CASQ1: variants seen among roughly 807,000 people sequenced by gnomAD.
CASQ1 encodes calsequestrin 1, also known as calsequestrin-1.
In CASQ1, 40 loss-of-function variants were observed where a neutral mutation model predicts 49.5. The observed-to-expected ratio is 0.81, with a 90% CI of 0.63 to 1.05. The LOEUF is 1.05. Ranked by LOEUF, CASQ1 falls within the 50% of genes least tolerant of loss-of-function variation. The pLI is 0.00. For missense variants in CASQ1, 469 were observed against 486.9 expected (o/e 0.96, Z 0.35); for synonymous variants, 174 against 187.2 (o/e 0.93, Z 0.58).
At chr1:160,192,488 A>G in intron 1 of CASQ1, 1 of 234,406 alleles carries the variant, frequency 4.3e-6, no homozygotes, top group Non-Finnish European at 8.5e-6. Flanking sequence ...GAAGGAGGGA[A>G]GGGGCCCTCA....
chr1:160,192,596 C>T, intron 1 of CASQ1: 2 of 572,064 alleles, frequency 3.5e-6, no homozygotes, highest in East Asian at 5.9e-5. Flanking sequence ...TGCAAATGAG[C>T]AATCAATATT....
Position 160,193,732 on chromosome 1 carries a change from C to T in CASQ1, c.365-15C>T, listed in dbSNP as rs771465432. 3.4e-6 allele frequency: 5 copies of T among 1,487,036 alleles called. No homozygotes were observed. Among genetic ancestry groups the T allele is most frequent in the Non-Finnish European group, 4.7e-6 (5 of 1,073,152 alleles). 92.1% of individuals were successfully genotyped at this position (1,487,036 alleles called of 1,614,324 possible). A position where few individuals can be genotyped will look rare whatever the true frequency, so the allele number is the denominator to read the frequency against. ...TGGCTCACTACCCCACCCCTGCGCC[C>T]GGCTCACTCCCTAGGCCTAACTGAA... On this transcript the variant is annotated splice_polypyrimidine_tract_variant and intron_variant, in intron 2 of 10. Coordinates refer to ENST00000368078, the MANE Select transcript of CASQ1 (RefSeq NM_001231.5).
At chr1:160,195,589 A>C in intron 5 of CASQ1, 55 bp downstream of exon 5, 1 of 1,532,880 alleles carries the variant, frequency 6.5e-7, no homozygotes, top group Non-Finnish European at 9.0e-7. Flanking sequence ...GCTGTCCTCC[A>C]GTTTCCTCTC....
chr1:160,195,084 A>G lies in CASQ1; in HGVS notation c.538A>G (p.Ile180Val). 6.2e-7 allele frequency: 1 copy of G among 1,612,946 alleles called. No homozygotes were observed. The highest frequency in any genetic ancestry group is 8.5e-7 in the Non-Finnish European group (1 of 1,179,290). ...GGCGTTTGAGAATATTGAGGATGAGATCAAACTCATTGGCTACTTCAAGAG... is the reference window on the plus strand; with the variant it reads ...GGCGTTTGAGAATATTGAGGATGAGGTCAAACTCATTGGCTACTTCAAGAG... Reference protein sequence around the residue: ...LQAFENIEDEIKLIGYFKSKD... With the variant: ...LQAFENIEDEVKLIGYFKSKD... The change falls in exon 4 of 11, where the codon ATC (isoleucine) becomes GTC (valine). Residue 180 changes from isoleucine to valine, a missense_variant. Transcript: ENST00000368078.
rs533196182 is a variant in CASQ1 at position 160,197,628 on chromosome 1, G to A, written c.828+14G>A. On this transcript the variant is annotated intron_variant, in intron 7 of 10. Coordinates refer to ENST00000368078, the MANE Select transcript of CASQ1 (RefSeq NM_001231.5). Reference sequence around the variant, plus strand: ...TATGAGACCTGGGTGAGTGCCCCTGGCCAGGGTCAAGCCCTCAGGGAAGCA... The same window carrying A: ...TATGAGACCTGGGTGAGTGCCCCTGACCAGGGTCAAGCCCTCAGGGAAGCA... The A allele has an allele frequency of 2.5e-6, 4 of 1,594,102 alleles. No individual in the cohort carries two copies. Among genetic ancestry groups the A allele is most frequent in the African/African-American group, 2.7e-5 (2 of 74,604 alleles).
Position 160,195,104 on chromosome 1 carries a change from C to A in CASQ1, c.558C>A (p.Phe186Leu). 1 of 1,610,212 alleles carries A rather than the reference C, an allele frequency of 6.2e-7. No individual in the cohort carries two copies. Among genetic ancestry groups the A allele is most frequent in the Non-Finnish European group, 8.5e-7 (1 of 1,177,420 alleles). The change falls in exon 4 of 11, where the codon TTC becomes TTA. Residue 186 changes from phenylalanine (F) to leucine (L), a missense_variant. Physicochemically the swap from Phe to Leu is conservative, Grantham distance 22. Coordinates refer to ENST00000368078, the MANE Select transcript of CASQ1 (RefSeq NM_001231.5). ...IEDEIKLIGY[F>L]KSKDSEHYKA... The stretch of plus-strand genomic sequence containing the variant: ...ATGAGATCAAACTCATTGGCTACTT[C>A]AAGAGCAAAGACTCAGAGCGTGGGT...
chr1:160,193,632 T>G, intron 2 of CASQ1, 115 bp from the exon 3 acceptor site: 3 of 631,932 alleles, frequency 4.7e-6, no homozygotes, highest in Non-Finnish European at 5.5e-6. Context: ...AGGTGGAGCA[T>G]GTGGGGCCCC....
rs1413265666 is a variant in CASQ1, at chr1:160,198,747, C to G, written c.883+16C>G. The G allele has an allele frequency of 1.1e-5, 17 of 1,609,842 alleles. No individual in the cohort carries two copies. Among genetic ancestry groups the G allele is most frequent in the African/African-American group, 4.0e-5 (3 of 74,772 alleles). ...GCTGATCCTGGTGAGGGAGGAATACCGGGTTGGACTGGAGGGAAGGCAGGG... is the reference window on the plus strand; with the variant it reads ...GCTGATCCTGGTGAGGGAGGAATACGGGGTTGGACTGGAGGGAAGGCAGGG... On this transcript the variant is annotated intron_variant, in intron 8 of 10. Transcript: ENST00000368078.
In CASQ1 at chr1:160,191,046, T is replaced by C. The variant is rs112871275; in HGVS notation, c.279+16T>C. On this transcript the variant is annotated intron_variant, in intron 1 of 10. Coordinates refer to ENST00000368078, the MANE Select transcript of CASQ1 (RefSeq NM_001231.5). ...GATCCTGGAGGTGAGTTGGGGGCAC[T>C]GCAGGCCTGCAGAGCATGTCTAGCC... 4.3e-6 allele frequency: 7 copies of C among 1,612,092 alleles called. No individual in the cohort carries two copies. The highest frequency in any genetic ancestry group is 5.9e-6 in the Non-Finnish European group (7 of 1,178,880).
At chr1:160,198,495 C>T (rs1654295685) in intron 7 of CASQ1, among the ~76,000 whole-genome samples, 182 bp from the exon 8 acceptor site, 1 of 151,846 alleles carries the variant, frequency 6.6e-6, no homozygotes, top group African/African-American at 2.4e-5. Flanking sequence ...CAGAGTGAAA[C>T]TCTGTCTCAA....
intron 9 of CASQ1, among the ~76,000 whole-genome samples, chr1:160,199,364 A>G (rs906244906): frequency 2.0e-5 from 3 of 152,212 alleles, no homozygotes; most frequent in Non-Finnish European, 4.4e-5. Flanking sequence ...ACACTCAATC[A>G]TAGAATCATA....
At chr1:160,198,878 GC>G (rs993190625) in intron 8 of CASQ1, 74 bp from the exon 9 acceptor site, 48 of 1,155,770 alleles carry the variant, frequency 4.2e-5, no homozygotes, top group Non-Finnish European at 5.8e-5. Context: ...CAGGGAGGTA[GC>G]TCTGCACTCC....
intron 10 of CASQ1, among the ~76,000 whole-genome samples, chr1:160,200,657 G>T (rs931121822): frequency 6.6e-6 from 1 of 152,160 alleles, no homozygotes; most frequent in African/African-American, 2.4e-5. Flanking sequence ...AAAGGCAGGT[G>T]GATTTTTATG....
chr1:160,190,843 G>A lies in CASQ1; in HGVS notation c.92G>A (p.Gly31Glu). 1 of 1,614,184 alleles carries A rather than the reference G, an allele frequency of 6.2e-7. No homozygotes were observed. The highest frequency in any genetic ancestry group is 1.6e-4 in the Middle Eastern group (1 of 6,062). ...LLLVLGTPKS[G>E]VQGQEGLDFP... ...CTGGTGCTAGGGACACCCAAGTCAG[G>A]GGTACAGGGGCAGGAAGGGCTGGAC... Residue 31 changes from glycine (G) to glutamate (E), a missense_variant, in exon 1 of 11, where the codon GGG (glycine) becomes GAG (glutamate). By Grantham distance (98) the Gly-to-Glu change is moderately conservative (BLOSUM62 -2). Transcript: ENST00000368078.
At chr1:160,192,405 G>A (rs932833504) in intron 1 of CASQ1, among the ~76,000 whole-genome samples, 2 of 150,894 alleles carry the variant, frequency 1.3e-5, no homozygotes, top group African/African-American at 4.9e-5. Context: ...ACCCCACACT[G>A]AGCTTGGCCC....
chr1:160,198,624 G>T, intron 7 of CASQ1, 53 bp from the exon 8 acceptor site: 1 of 1,358,264 alleles, frequency 7.4e-7, no homozygotes, highest in South Asian at 1.2e-5. Context: ...CAACTTCAGG[G>T]AGTATAGTAA....
At chr1:160,200,351 A>G (rs573577106) in intron 10 of CASQ1, among the ~76,000 whole-genome samples, 10 of 152,328 alleles carry the variant, frequency 6.6e-5, no homozygotes, top group South Asian at 2.1e-4. Context: ...GTTGAACTGA[A>G]TGAGCCACAG....
At position 160,197,435 on chromosome 1, in the gene CASQ1, C is replaced by T. The variant is rs576474725; in HGVS notation, c.783-134C>T. The T allele has an allele frequency of 4.0e-5, 28 of 702,768 alleles. No individual in the cohort carries two copies. The East Asian group carries it at 7.1e-4, about 18-fold the overall frequency. The allele number at this position is 702,768 out of a possible 1,614,324, so 43.5% of individuals were successfully genotyped here. ...CCTGGTGCCCAGAGTTGAGGCCTTG[C>T]CAGATGGCTTTGTTGTAGGCTACAA... On this transcript the variant is annotated intron_variant, in intron 6 of 10. Transcript: ENST00000368078.
intron 10 of CASQ1, 104 bp downstream of exon 10, chr1:160,200,029 C>T (rs530010213): frequency 3.2e-5 from 25 of 777,618 alleles, no homozygotes; most frequent in Middle Eastern, 2.9e-4. Context: ...TCTCACAGGA[C>T]GCAGACATGC....
Sources: allele counts gnomAD v4.1 joint callset (sites outside exome capture counted in the v4.1 genomes callset), GRCh38; gene constraint gnomAD v4.1.1; transcripts MANE v1.5; gene names NCBI Gene and HGNC (gene_info 2026-07-23, HGNC 2026-07-21).